D2HGDH: variants seen among roughly 807,000 people sequenced by gnomAD.
D2HGDH encodes D-2-hydroxyglutarate dehydrogenase.
A neutral mutation model predicts 46.9 loss-of-function variants in D2HGDH; 31 were observed. That is an observed-to-expected ratio of 0.66 (90% confidence interval 0.50 to 0.89). The LOEUF is 0.89. D2HGDH is among the 40% of genes least tolerant of loss of function. The pLI is 0.00. For synonymous variants in D2HGDH, 364 were observed against 332.6 expected, an observed-to-expected ratio of 1.09 and a Z score of -1.03; for missense variants, 698 against 720.8, an observed-to-expected ratio of 0.97 and a Z score of 0.36.
chr2:241,749,305 G>T (rs1559376234), intron 6 of D2HGDH: 9 of 1,288,432 alleles, frequency 7.0e-6, no homozygotes, highest in African/African-American at 1.5e-5. Flanking sequence ...GCAGGTGTCT[G>T]CCCCCAGCCT....
rs1467841500 is a variant in D2HGDH at position 241,742,686 on chromosome 2, C to T, written c.490+112C>T. ...CTTGGGTGGGTGAATGAGTTAGGGC[C>T]GGCGCTGGGGAAAGAACCAGCGTCT... On this transcript the variant is annotated intron_variant, in intron 4 of 9. Coordinates refer to ENST00000321264, the MANE Select transcript of D2HGDH (RefSeq NM_152783.5). This position sits in a 1 kb window ranked among gnomAD's most constrained non-coding sequence, Gnocchi z 4.8. 1.4e-5 allele frequency: 20 copies of T among 1,398,480 alleles called. No homozygotes were observed. Among genetic ancestry groups the T allele is most frequent in the South Asian group, 7.0e-5 (6 of 85,394 alleles). 86.6% of individuals were successfully genotyped at this position (1,398,480 alleles called of 1,614,324 possible).
chr2:241,744,353 T>C (rs1021662741), intron 5 of D2HGDH, among the ~76,000 whole-genome samples: 2 of 152,216 alleles, frequency 1.3e-5, no homozygotes, highest in Non-Finnish European at 1.5e-5. Flanking sequence ...AATTACTTTT[T>C]TGCACTCATG....
Position 241,768,352 on chromosome 2 carries a change from T to G in D2HGDH, c.*383T>G. On this transcript the variant is annotated 3_prime_UTR_variant, in exon 10 of 10. Coordinates refer to ENST00000321264, the MANE Select transcript of D2HGDH (RefSeq NM_152783.5). ...GGTGGTTCTGCCTGCTTGCTGCTCGTTCCCCGGGCATGCGTGGGCAGCGGG... is the reference window on the plus strand; with the variant it reads ...GGTGGTTCTGCCTGCTTGCTGCTCGGTCCCCGGGCATGCGTGGGCAGCGGG... The G allele has an allele frequency of 2.7e-4, 55 of 206,854 alleles. No individual in the cohort carries two copies. Among genetic ancestry groups the G allele is most frequent in the East Asian group, 6.1e-4 (5 of 8,174 alleles). The allele number at this position is 206,854 out of a possible 1,614,324, so 12.8% of individuals were successfully genotyped here.
intron 8 of D2HGDH, among the ~76,000 whole-genome samples, chr2:241,753,586 G>T (rs1697643380): frequency 6.6e-6 from 1 of 152,250 alleles, no homozygotes; most frequent in Non-Finnish European, 1.5e-5. Context: ...CGCAGGTCCA[G>T]CCGCTGCCGC....
At chr2:241,761,055 G>A (rs1014598991) in intron 9 of D2HGDH, among the ~76,000 whole-genome samples, 16 of 152,150 alleles carry the variant, frequency 1.1e-4, no homozygotes, top group African/African-American at 2.4e-4. Flanking sequence ...TCAGGGCCCC[G>A]TCACTTTGGC....
intron 8 of D2HGDH, among the ~76,000 whole-genome samples, chr2:241,752,870 C>A (rs1047827127): frequency 7.0e-6 from 1 of 143,294 alleles, no homozygotes; most frequent in Non-Finnish European, 1.5e-5. Flanking sequence ...TCTCTACCAG[C>A]CCCCATGCCA....
intron 8 of D2HGDH, chr2:241,755,213 C>T: frequency 7.7e-7 from 1 of 1,291,072 alleles, no homozygotes; most frequent in Non-Finnish European, 1.0e-6. Flanking sequence ...TCCTCCACGG[C>T]CCGCCCACCG....
chr2:241,741,474 T>C (rs1289667937), intron 3 of D2HGDH, among the ~76,000 whole-genome samples: 1 of 152,020 alleles, frequency 6.6e-6, no homozygotes, highest in African/African-American at 2.4e-5. Flanking sequence ...ACTTGCTGTC[T>C]CCAGGGTTTA....
chr2:241,767,662 C>G (rs542208226), intron 9 of D2HGDH, 48 bp from the exon 10 acceptor site: 8 of 1,609,436 alleles, frequency 5.0e-6, no homozygotes, highest in Non-Finnish European at 5.9e-6. Context: ...GAGTGGGGTC[C>G]TGGGGGCTGC....
In D2HGDH at chr2:241,767,763, C is replaced by T. The variant is rs773648163; in HGVS notation, c.1360C>T (p.Leu454=). The T allele has an allele frequency of 6.2e-7, 1 of 1,612,652 alleles. No individual in the cohort carries two copies. The highest frequency in any genetic ancestry group is 8.5e-7 in the Non-Finnish European group (1 of 1,179,594). The stretch of plus-strand genomic sequence containing the variant: ...GGCGGAGGCCTTCAGCCCCTCGCTC[C>T]TGGCTGCCCTGGAGCCCCACGTGTA... ...VTAEAFSPSL[L]AALEPHVYEW... Residue 454 remains leucine, a synonymous_variant, in exon 10 of 10, where the codon CTG becomes TTG. Transcript: ENST00000321264.
intron 9 of D2HGDH, among the ~76,000 whole-genome samples, chr2:241,758,867 G>T (rs1698464553): frequency 6.6e-6 from 1 of 151,056 alleles, no homozygotes; most frequent in Non-Finnish European, 1.5e-5. Flanking sequence ...TGAACTCCGG[G>T]GCCTCAAGCA....
intron 8 of D2HGDH, among the ~76,000 whole-genome samples, chr2:241,752,110 A>G (rs145995177): frequency 0.023 from 3,057 of 131,662 alleles, 137 homozygotes; most frequent in East Asian, 0.15. Context: ...CCAGGGCCTG[A>G]GCAGTGGGCG....
intron 8 of D2HGDH, chr2:241,755,168 C>A: frequency 7.7e-7 from 1 of 1,303,660 alleles, no homozygotes; most frequent in Non-Finnish European, 1.0e-6. Flanking sequence ...CCTCAGAATC[C>A]TTCCTCCCCC....
In D2HGDH at chr2:241,744,993, G is replaced by A. The variant is rs1695490793; in HGVS notation, c.853+116G>A. ...AGGGACCCCCCGCCAAGGACAGTCGGTTCCCGTGTCTCCTGACATCTCTGC... is the reference window on the plus strand; with the variant it reads ...AGGGACCCCCCGCCAAGGACAGTCGATTCCCGTGTCTCCTGACATCTCTGC... On this transcript the variant is annotated intron_variant, in intron 6 of 9. Transcript: ENST00000321264. The A allele has an allele frequency of 2.2e-5, 30 of 1,381,532 alleles. No homozygotes were observed. In the South Asian group the frequency reaches 3.7e-4, roughly 17 times the overall value. The allele number at this position is 1,381,532 out of a possible 1,614,324, so 85.6% of individuals were successfully genotyped here.
chr2:241,763,972 C>T (rs910647127), intron 9 of D2HGDH, among the ~76,000 whole-genome samples: 5 of 152,210 alleles, frequency 3.3e-5, no homozygotes, highest in Admixed American at 3.3e-4. Flanking sequence ...ACTGACTGAG[C>T]ACAGGAGGTT....
Position 241,755,877 on chromosome 2 carries a change from C to T in D2HGDH, c.1169C>T (p.Thr390Ile), listed in dbSNP as rs780871744. Residue 390 changes from threonine to isoleucine, a missense_variant, in exon 9 of 10, where the codon ACA becomes ATA. By Grantham distance (89) the Thr-to-Ile change is moderately conservative. Coordinates refer to ENST00000321264, the MANE Select transcript of D2HGDH (RefSeq NM_152783.5). ...CTGTGGGCCCTGAGGGAAAGGATCA[C>T]AGAGGCGCTGAGCCGGGATGGCTAC... ...KMLWALRERI[T>I]EALSRDGYVY... 6.2e-7 allele frequency: 1 copy of T among 1,613,142 alleles called. No individual in the cohort carries two copies. Among genetic ancestry groups the T allele is most frequent in the South Asian group, 1.1e-5 (1 of 91,078 alleles).
chr2:241,758,769 A>AAG (rs1553612096), intron 9 of D2HGDH, among the ~76,000 whole-genome samples: 1 of 131,896 alleles, frequency 7.6e-6, no homozygotes, highest in Admixed American at 7.9e-5. Flanking sequence ...CCCACAATAT[A>AAG]TGTGTGTGTG....
chr2:241,763,145 C>T (rs1004856103), intron 9 of D2HGDH, among the ~76,000 whole-genome samples: 2 of 152,136 alleles, frequency 1.3e-5, no homozygotes, highest in Non-Finnish European at 2.9e-5. Context: ...CGCCGTTGCT[C>T]GGGAATACAG....
rs1482800257 is a variant in D2HGDH at position 241,762,060 on chromosome 2, T to C, written c.1307-5650T>C. ...GAGGGAAATAAATAATTTCTTTCTT[T>C]TTCTTTTCCTTTTTTTTTTTTTTTT... On this transcript the variant is annotated intron_variant, in intron 9 of 9. Coordinates refer to ENST00000321264, the MANE Select transcript of D2HGDH (RefSeq NM_152783.5). Among the ~76,000 whole-genome samples the C allele has an allele frequency of 2.8e-5, 4 of 144,948 alleles. No homozygotes were observed. The Admixed American group carries it at 2.8e-4, about 10-fold the overall frequency.
Sources: allele counts gnomAD v4.1 joint callset (sites outside exome capture counted in the v4.1 genomes callset), GRCh38; gene constraint gnomAD v4.1.1; non-coding constraint Gnocchi (gnomAD v3.1); transcripts MANE v1.5; gene names NCBI Gene and HGNC (gene_info 2026-07-23, HGNC 2026-07-21).